ZNF705G: variants seen among roughly 807,000 people sequenced by gnomAD.
The protein encoded by ZNF705G is putative zinc finger protein 705G.
A neutral mutation model predicts 19.6 loss-of-function variants in ZNF705G; 23 were observed. That is an observed-to-expected ratio of 1.17 (90% confidence interval 0.84 to 1.66). ZNF705G has a LOEUF of 1.66. ZNF705G is among the 40% of genes most tolerant of loss of function. The pLI is 0.00. For missense variants in ZNF705G, 457 were observed against 354.4 expected, an observed-to-expected ratio of 1.29 and a Z score of -2.32; for synonymous variants, 146 against 117.7, an observed-to-expected ratio of 1.24 and a Z score of -1.56.
At chr8:7,362,800 A>AGGGT in intron 3 of ZNF705G, 135 bp downstream of exon 3, 1 of 1,572,600 alleles carries the variant, frequency 6.4e-7, no homozygotes, top group Non-Finnish European at 8.6e-7. Context: ...ACACCCAGGC[A>AGGGT]GGGTGGATTT....
chr8:7,363,873 A>C (rs1468487041), intron 2 of ZNF705G, among the ~76,000 whole-genome samples: 1 of 149,322 alleles, frequency 6.7e-6, no homozygotes, highest in Non-Finnish European at 1.5e-5. Flanking sequence ...GATTTATTTC[A>C]CTTAGAGGGT....
At chr8:7,365,054 TAC>T (rs1403408207) in intron 2 of ZNF705G, among the ~76,000 whole-genome samples, 1 of 149,594 alleles carries the variant, frequency 6.7e-6, no homozygotes, top group Non-Finnish European at 1.5e-5. Flanking sequence ...ACTGGTCATA[TAC>T]AGACTGTGCC....
chr8:7,368,650 G>A (rs1038397079), intron 2 of ZNF705G, among the ~76,000 whole-genome samples: 1 of 149,864 alleles, frequency 6.7e-6, no homozygotes, highest in African/African-American at 2.5e-5. Flanking sequence ...AGAAAATGAA[G>A]AAAGGGCCTC....
chr8:7,369,760 G>A (rs1176975267), intron 2 of ZNF705G, among the ~76,000 whole-genome samples: 2 of 149,190 alleles, frequency 1.3e-5, no homozygotes, highest in Non-Finnish European at 2.9e-5. Context: ...TGCAGCTGGA[G>A]GCCATTATTC....
Position 7,375,695 on chromosome 8 carries a change from C to T in ZNF705G, c.-72+5757G>A, listed in dbSNP as rs189480375. 9.6e-5 allele frequency among the ~76,000 whole-genome samples: 9 copies of T among 93,624 alleles called. 3 individuals are homozygous for T. In the East Asian group the frequency reaches 3.2e-3, roughly 33 times the overall value. 61.4% of individuals were successfully genotyped at this position (93,624 alleles called of 152,430 possible). The stretch of plus-strand genomic sequence containing the variant: ...GAGTAACAACAAATTTCTGCACAAA[C>T]ATATTGCAAGTTAGAAAATAGCTGT... On this transcript the variant is annotated intron_variant, in intron 2 of 6. Coordinates refer to ENST00000400156, the MANE Select transcript of ZNF705G (RefSeq NM_001164457.3).
Position 7,356,959 on chromosome 8 carries a change from T to A in ZNF705G, c.*1017A>T, listed in dbSNP as rs1391609406. 1.3e-5 allele frequency: 2 copies of A among 149,812 alleles called. No individual in the cohort carries two copies. Among genetic ancestry groups the A allele is most frequent in the East Asian group, 1.9e-4 (1 of 5,198 alleles). The allele number at this position is 149,812 out of a possible 1,614,324, so 9.3% of individuals were successfully genotyped here. A position where few individuals can be genotyped will look rare whatever the true frequency, so the allele number is the denominator to read the frequency against. On this transcript the variant is annotated 3_prime_UTR_variant, in exon 7 of 7. Coordinates refer to ENST00000400156, the MANE Select transcript of ZNF705G (RefSeq NM_001164457.3). ...TTTATGAATAGATATTTTCTCAAAT[T>A]TCTGAATTATTTTGCTAAAGTATGT... is the stretch of plus-strand genomic sequence containing the variant.
At chr8:7,366,108 T>A (rs1183059495) in intron 2 of ZNF705G, among the ~76,000 whole-genome samples, 3 of 149,042 alleles carry the variant, frequency 2.0e-5, no homozygotes, top group Non-Finnish European at 4.4e-5. Context: ...TAGATTTTTT[T>A]AAAGTATGAA....
intron 6 of ZNF705G, among the ~76,000 whole-genome samples, chr8:7,359,136 A>G (rs1806443183): frequency 6.7e-6 from 1 of 149,612 alleles, no homozygotes; most frequent in South Asian, 2.1e-4. Context: ...GTACTTCTCA[A>G]TATCCCACCC....
At chr8:7,361,001 G>A (rs1250551865) in intron 4 of ZNF705G, 109 bp downstream of exon 4, 1 of 1,571,714 alleles carries the variant, frequency 6.4e-7, no homozygotes, top group African/African-American at 1.5e-5. Flanking sequence ...AGATCTGTGA[G>A]AGAATCAGAG....
At chr8:7,385,260 T>C (rs1286104546) in intron 1 of ZNF705G, among the ~76,000 whole-genome samples, 1 of 149,174 alleles carries the variant, frequency 6.7e-6, no homozygotes, top group Non-Finnish European at 1.5e-5. Context: ...TACTATTGCA[T>C]TGGGGATTAG....
intron 2 of ZNF705G, among the ~76,000 whole-genome samples, chr8:7,368,094 A>G (rs1190317480): frequency 1.3e-5 from 2 of 149,228 alleles, no homozygotes; most frequent in South Asian, 2.1e-4. Flanking sequence ...CCCCTTATAT[A>G]TGAAAAAAAA....
intron 1 of ZNF705G, among the ~76,000 whole-genome samples, chr8:7,383,157 TA>T (rs1807578560): frequency 6.8e-6 from 1 of 147,444 alleles, no homozygotes; most frequent in Admixed American, 6.8e-5. Flanking sequence ...GCTACCTGGT[TA>T]AAAGCGATAA....
chr8:7,367,022 G>A (rs192873705), intron 2 of ZNF705G, among the ~76,000 whole-genome samples: 3 of 149,486 alleles, frequency 2.0e-5, no homozygotes, highest in East Asian at 3.9e-4. Context: ...TACTATTTTG[G>A]CCAATACAGA....
chr8:7,359,529 T>C (rs1806470672), intron 6 of ZNF705G, 90 bp downstream of exon 6: 14 of 1,574,760 alleles, frequency 8.9e-6, no homozygotes, highest in Middle Eastern at 2.3e-4. Flanking sequence ...GCCAGCTTAA[T>C]TACACTCAGG....
chr8:7,379,498 C>A (rs867955661), intron 2 of ZNF705G, among the ~76,000 whole-genome samples: 9 of 147,042 alleles, frequency 6.1e-5, no homozygotes, highest in Non-Finnish European at 1.3e-4. Context: ...AAAGAAAGAC[C>A]AAGACAGCAA....
intron 2 of ZNF705G, among the ~76,000 whole-genome samples, chr8:7,363,504 G>A (rs1159943685): frequency 3.3e-5 from 5 of 149,278 alleles, no homozygotes; most frequent in South Asian, 2.1e-4. Flanking sequence ...TTTCCCCTTG[G>A]AACTTGGAAA....
rs1807205455 is a variant in ZNF705G at position 7,375,097 on chromosome 8, G to A, written c.-72+6355C>T. Among the ~76,000 whole-genome samples, 6 of 94,574 alleles carry A rather than the reference G, an allele frequency of 6.3e-5. 3 individuals carry two copies. The Admixed American group carries it at 7.1e-4, about 11-fold the overall frequency. 62.0% of individuals were successfully genotyped at this position (94,574 alleles called of 152,430 possible). A position where few individuals can be genotyped will look rare whatever the true frequency, so the allele number is the denominator to read the frequency against. ...CAGATTTGTTACATGGGTATATTGT[G>A]TGATATTGAGGTTTGGGGTATGAAT... On this transcript the variant is annotated intron_variant, in intron 2 of 6. Coordinates refer to ENST00000400156, the MANE Select transcript of ZNF705G (RefSeq NM_001164457.3).
At chr8:7,370,429 C>G (rs1179285983) in intron 2 of ZNF705G, among the ~76,000 whole-genome samples, 2 of 149,598 alleles carry the variant, frequency 1.3e-5, no homozygotes, top group East Asian at 1.9e-4. Flanking sequence ...TAGCTATTAT[C>G]AAAAAGATGT....
At chr8:7,379,406 G>C (rs1344700200) in intron 2 of ZNF705G, among the ~76,000 whole-genome samples, 1 of 147,238 alleles carries the variant, frequency 6.8e-6, no homozygotes, top group Non-Finnish European at 1.5e-5. Flanking sequence ...TATTAAAGCC[G>C]TCACATAGAA....
Sources: gnomAD v4.1 joint callset for allele counts (sites outside exome capture counted in the v4.1 genomes callset) on GRCh38, gnomAD v4.1.1 for gene constraint, MANE v1.5 for transcripts, NCBI Gene and HGNC (gene_info 2026-07-23, HGNC 2026-07-21) for gene names.